Variants in CDH18 observed in about 807,000 individuals in gnomAD.
CDH18 encodes cadherin 18.
CDH18 carries 31 observed loss-of-function variants against 67.9 expected under a neutral mutation model. The ratio of observed to expected loss-of-function variants is 0.46; its 90% CI spans 0.34 to 0.62. The LOEUF is 0.62. CDH18 is among the 20% of genes least tolerant of loss of function. The probability of loss-of-function intolerance (pLI) is 0.01; values close to 1 mark genes in which losing one functional copy is unlikely to be tolerated. For missense variants in CDH18, 890 were observed against 975.5 expected, an observed-to-expected ratio of 0.91 and a Z score of 1.17; for synonymous variants, 362 against 347.2, an observed-to-expected ratio of 1.04 and a Z score of -0.48.
At chr5:19,926,335 A>T (rs1793087597) in intron 2 of CDH18, among the ~76,000 whole-genome samples, 1 of 152,194 alleles carries the variant, frequency 6.6e-6, no homozygotes, top group Non-Finnish European at 1.5e-5. Context: ...AACAACTTTT[A>T]ACACATCAGC....
intron 3 of CDH18, among the ~76,000 whole-genome samples, chr5:19,759,798 T>C (rs971333793): frequency 9.2e-5 from 14 of 152,162 alleles, no homozygotes; most frequent in Admixed American, 3.3e-4. Context: ...GGAAATGTAG[T>C]GGGGGCCCTA....
intron 2 of CDH18, among the ~76,000 whole-genome samples, chr5:19,934,793 C>G (rs962970829): frequency 6.6e-6 from 1 of 151,218 alleles, no homozygotes; most frequent in African/African-American, 2.4e-5. Context: ...TTATTAATAA[C>G]CTTGCACAGA....
intron 1 of CDH18, among the ~76,000 whole-genome samples, chr5:20,492,498 C>T (rs1753653647): frequency 6.6e-6 from 1 of 152,010 alleles, no homozygotes; most frequent in Admixed American, 6.6e-5. Flanking sequence ...ATCAAGAGTG[C>T]ACATGAAAAT....
At chr5:19,751,773 T>C (rs1770877852) in intron 3 of CDH18, among the ~76,000 whole-genome samples, 3 of 152,234 alleles carry the variant, frequency 2.0e-5, no homozygotes, top group Non-Finnish European at 4.4e-5. Flanking sequence ...TAAAAGGTTA[T>C]GTTAAAGAGT....
intron 3 of CDH18, among the ~76,000 whole-genome samples, chr5:19,812,622 T>G (rs1166322591): frequency 6.6e-6 from 1 of 151,934 alleles, no homozygotes; most frequent in Non-Finnish European, 1.5e-5. Context: ...AGAAACAACC[T>G]AATCAACAAA....
chr5:19,613,148 A>C (rs142811298), intron 5 of CDH18, among the ~76,000 whole-genome samples: 1 of 151,914 alleles, frequency 6.6e-6, no homozygotes, highest in East Asian at 1.9e-4. Flanking sequence ...CCAACTAAAA[A>C]AATAATAATA....
At chr5:20,275,048 A>G (rs539382880) in intron 1 of CDH18, among the ~76,000 whole-genome samples, 292 of 152,304 alleles carry the variant, frequency 1.9e-3, no homozygotes, top group African/African-American at 6.5e-3. Context: ...TAAGTAGTAG[A>G]CAAGAGGGAT....
chr5:19,501,492 A>G (rs528745096), intron 11 of CDH18, among the ~76,000 whole-genome samples: 1 of 144,416 alleles, frequency 6.9e-6, no homozygotes. Flanking sequence ...ATGGTACGAG[A>G]GCAAACCTCC....
intron 2 of CDH18, among the ~76,000 whole-genome samples, chr5:19,927,521 T>C (rs1177081366): frequency 6.6e-6 from 1 of 152,136 alleles, no homozygotes; most frequent in African/African-American, 2.4e-5. Context: ...AGACAGTACC[T>C]TAATAATAGT....
intron 1 of CDH18, among the ~76,000 whole-genome samples, chr5:20,511,370 T>A (rs78329164): frequency 0.042 from 6,420 of 152,116 alleles, 209 homozygotes; most frequent in East Asian, 0.12. Flanking sequence ...CATTTAAACA[T>A]ATACAAGAGT....
chr5:20,063,886 A>G (rs1385198268), intron 2 of CDH18, among the ~76,000 whole-genome samples: 1 of 152,150 alleles, frequency 6.6e-6, no homozygotes, highest in African/African-American at 2.4e-5. Context: ...TGTCTTCACA[A>G]TTTGACACCA....
chr5:20,202,957 C>A (rs542580527), intron 2 of CDH18, among the ~76,000 whole-genome samples: 2 of 152,036 alleles, frequency 1.3e-5, no homozygotes, highest in Non-Finnish European at 2.9e-5. Flanking sequence ...GAGGTTATCA[C>A]CAGAAACATC....
At chr5:20,176,610 C>T (rs1737254154) in intron 2 of CDH18, among the ~76,000 whole-genome samples, 1 of 152,114 alleles carries the variant, frequency 6.6e-6, no homozygotes, top group South Asian at 2.1e-4. Context: ...TAAGTAAATT[C>T]TGCACAAAGT....
At chr5:20,562,770 C>T (rs1030794460) in intron 1 of CDH18, among the ~76,000 whole-genome samples, 2 of 151,636 alleles carry the variant, frequency 1.3e-5, no homozygotes, top group East Asian at 1.9e-4. Flanking sequence ...AAAATTAAAA[C>T]AATATGAAAA....
chr5:19,710,185 A>G (rs1469571635), intron 5 of CDH18, among the ~76,000 whole-genome samples: 2 of 152,140 alleles, frequency 1.3e-5, no homozygotes, highest in Non-Finnish European at 2.9e-5. Context: ...TCTTATTCAG[A>G]CATTCAGCCT....
chr5:20,058,385 T>G (rs530568751), intron 2 of CDH18, among the ~76,000 whole-genome samples: 25 of 152,252 alleles, frequency 1.6e-4, no homozygotes, highest in African/African-American at 5.8e-4. Context: ...GTAGCACAGT[T>G]AATTTATTTG....
rs1737864122 is a variant in CDH18 at position 19,473,325 on chromosome 5, T to C, written c.2274A>G (p.Thr758=). 1.9e-6 allele frequency: 3 copies of C among 1,613,912 alleles called. No homozygotes were observed. The highest frequency in any genetic ancestry group is 2.5e-6 in the Non-Finnish European group (3 of 1,179,888). The stretch of plus-strand genomic sequence containing the variant: ...GGTAGTGATAATCCTGGTCTGATTG[T>C]GTCGTTGCTGAATCCAGCGAGCTGA... ...GSISSLDSAT[T]QSDQDYHYLG... The change falls in exon 13 of 13, where the codon ACA becomes ACG. Residue 758 remains threonine, a synonymous_variant. Transcript: ENST00000382275.
At chr5:19,736,591 AT>A (rs1768359248) in intron 4 of CDH18, among the ~76,000 whole-genome samples, 2 of 152,008 alleles carry the variant, frequency 1.3e-5, no homozygotes, top group African/African-American at 2.4e-5. Flanking sequence ...GCATAGTTAT[AT>A]TTTTCTAGTT....
chr5:19,489,288 C>A (rs558476872), intron 11 of CDH18, among the ~76,000 whole-genome samples: 1 of 145,164 alleles, frequency 6.9e-6, no homozygotes, highest in Admixed American at 7.0e-5. Flanking sequence ...CTCTCTGTCG[C>A]CCAGGCTGGA....
Sources: gnomAD v4.1 joint callset for allele counts (sites outside exome capture counted in the v4.1 genomes callset) on GRCh38, gnomAD v4.1.1 for gene constraint, MANE v1.5 for transcripts, NCBI Gene and HGNC (gene_info 2026-07-23, HGNC 2026-07-21) for gene names.